Variants in PLEKHH2 observed in about 807,000 individuals in gnomAD.
PLEKHH2 encodes pleckstrin homology domain-containing family H member 2.
A neutral mutation model predicts 187.9 loss-of-function variants in PLEKHH2; 129 were observed. That is an observed-to-expected ratio of 0.69 (90% CI 0.59 to 0.79). The LOEUF is 0.79. Ranked by LOEUF, PLEKHH2 falls within the 30% of genes least tolerant of loss-of-function variation. The pLI, the probability that PLEKHH2 is intolerant of heterozygous loss-of-function variation, is 0.00. For missense variants in PLEKHH2, 2,076 were observed against 1,751.2 expected (o/e 1.19, Z -3.31); for synonymous variants, 686 against 605.6 (o/e 1.13, Z -1.95).
chr2:43,705,251 C>CTTTTTTTTTTTT (rs5830767), intron 9 of PLEKHH2, among the ~76,000 whole-genome samples: 8 of 95,868 alleles, frequency 8.3e-5, no homozygotes, highest in Admixed American at 1.3e-4. Flanking sequence ...AAATTTTATC[C>CTTTTTTTTTTTT]TTTTTTTTTT....
intron 3 of PLEKHH2, chr2:43,681,149 C>CT (rs1668156669): frequency 1.4e-6 from 1 of 734,464 alleles, no homozygotes; most frequent in Non-Finnish European, 2.4e-6. Context: ...CTGCAACACT[C>CT]TAATGCCACT....
rs956489454 is a variant in PLEKHH2, at chr2:43,761,305, C to G, written c.4072-999C>G. ...AACCAAACAAGCATCATTAATTGCT[C>G]AAAAACATTCATGGGTTTCAGTTGG... is the stretch of plus-strand genomic sequence containing the variant. On this transcript the variant is annotated intron_variant, in intron 27 of 29. Transcript: ENST00000282406. 2.0e-5 allele frequency among the ~76,000 whole-genome samples: 3 copies of G among 151,234 alleles called. No homozygotes were observed. The East Asian group carries it at 5.8e-4, about 29-fold the overall frequency.
intron 8 of PLEKHH2, among the ~76,000 whole-genome samples, chr2:43,702,013 C>G (rs1444553606): frequency 6.6e-6 from 1 of 152,162 alleles, no homozygotes. Context: ...AGGTGATCCA[C>G]CCACCTCAGC....
chr2:43,680,481 A>G (rs1668113771), intron 3 of PLEKHH2: 1 of 158,968 alleles, frequency 6.3e-6, no homozygotes, highest in African/African-American at 2.4e-5. Flanking sequence ...TGCATATGAA[A>G]TTCCTTATGC....
chr2:43,651,669 A>AAAAGGGC (rs1666480379), intron 2 of PLEKHH2, among the ~76,000 whole-genome samples: 1 of 152,134 alleles, frequency 6.6e-6, no homozygotes, highest in Non-Finnish European at 1.5e-5. Context: ...TGGTTCAACT[A>AAAAGGGC]AAAGGGCATT....
At chr2:43,642,714 G>A (rs1206903073) in intron 1 of PLEKHH2, among the ~76,000 whole-genome samples, 1 of 152,258 alleles carries the variant, frequency 6.6e-6, no homozygotes, top group Middle Eastern at 3.4e-3. Flanking sequence ...CTATTGAAAT[G>A]ATCATACGGT....
chr2:43,678,728 AGAGGTGGAAGTGGAGGTGGAGGTG>A, intron 2 of PLEKHH2, 111 bp from the exon 3 acceptor site: 1 of 403,728 alleles, frequency 2.5e-6, no homozygotes. Context: ...GACCGTGGGT[AGAGGTGGAAGTGGAGGTGGAGGTG>A]GAGGTGGAGG....
chr2:43,677,845 C>G (rs1667910622), intron 2 of PLEKHH2, among the ~76,000 whole-genome samples: 2 of 147,664 alleles, frequency 1.4e-5, no homozygotes, highest in Admixed American at 1.3e-4. Context: ...CCCCCCACCT[C>G]CCTCCCGGAC....
chr2:43,735,181 C>T (rs1671227932), intron 19 of PLEKHH2, among the ~76,000 whole-genome samples: 2 of 151,846 alleles, frequency 1.3e-5, no homozygotes, highest in Admixed American at 6.6e-5. Context: ...CAGAGCAAGA[C>T]TCTGTCTCAA....
chr2:43,688,005 T>A (rs1668610873), intron 3 of PLEKHH2, among the ~76,000 whole-genome samples: 1 of 152,174 alleles, frequency 6.6e-6, no homozygotes, highest in East Asian at 1.9e-4. Context: ...CCCACTCTTT[T>A]GCCCAGGCTG....
intron 24 of PLEKHH2, 51 bp downstream of exon 24, chr2:43,746,014 A>C: frequency 8.5e-7 from 1 of 1,176,712 alleles, no homozygotes; most frequent in Non-Finnish European, 1.2e-6. Context: ...AATATGTTCT[A>C]ATAATGCACC....
chr2:43,756,124 A>C lies in PLEKHH2; in HGVS notation c.3796-995A>C, dbSNP rs1206426806. 2.6e-5 allele frequency among the ~76,000 whole-genome samples: 4 copies of C among 152,190 alleles called. No homozygotes were observed. In the East Asian group the frequency reaches 7.7e-4, roughly 29 times the overall value. On this transcript the variant is annotated intron_variant, in intron 25 of 29. Transcript: ENST00000282406. ...AAGTATAAATTGTGGTTCCGAACAC[A>C]ACTGTATATCCTGGGAAGGACTCTA...
intron 2 of PLEKHH2, among the ~76,000 whole-genome samples, chr2:43,654,361 A>T (rs1666635914): frequency 6.6e-6 from 1 of 151,506 alleles, no homozygotes; most frequent in Admixed American, 6.6e-5. Flanking sequence ...CATCCAGCTA[A>T]TTTTTTTGTA....
At chr2:43,691,745 A>G (rs1668807158) in intron 3 of PLEKHH2, among the ~76,000 whole-genome samples, 1 of 151,958 alleles carries the variant, frequency 6.6e-6, no homozygotes, top group Non-Finnish European at 1.5e-5. Flanking sequence ...AATTTCTTGA[A>G]CTCCTGGACT....
intron 7 of PLEKHH2, among the ~76,000 whole-genome samples, chr2:43,697,966 A>G (rs1669169468): frequency 6.6e-6 from 1 of 152,154 alleles, no homozygotes; most frequent in Non-Finnish European, 1.5e-5. Flanking sequence ...TATCAAAAAA[A>G]AAGAAAAAAT....
chr2:43,744,116 C>G, intron 23 of PLEKHH2, 127 bp downstream of exon 23: 1 of 1,416,170 alleles, frequency 7.1e-7, no homozygotes, highest in Non-Finnish European at 9.2e-7. Context: ...ATCTAATCTC[C>G]ACGATAAGAA....
chr2:43,685,460 C>G (rs1304143723), intron 3 of PLEKHH2, among the ~76,000 whole-genome samples: 1 of 152,122 alleles, frequency 6.6e-6, no homozygotes, highest in East Asian at 1.9e-4. Context: ...CAGGGTCTTG[C>G]TCTGTCATCC....
chr2:43,738,640 G>A (rs12465786), intron 20 of PLEKHH2, 120 bp downstream of exon 20: 27,097 of 941,852 alleles, frequency 0.029, 1,193 homozygotes, highest in African/African-American at 0.18. Flanking sequence ...AGGAAAAATA[G>A]GTATTAATAT....
intron 17 of PLEKHH2, 113 bp downstream of exon 17, chr2:43,726,564 A>C: frequency 1.1e-6 from 1 of 929,888 alleles, no homozygotes; most frequent in Non-Finnish European, 1.6e-6. Context: ...TTTGCTATAG[A>C]CTTTCACCTC....
Sources: gnomAD v4.1 joint callset for allele counts (sites outside exome capture counted in the v4.1 genomes callset) on GRCh38, gnomAD v4.1.1 for gene constraint, MANE v1.5 for transcripts, NCBI Gene and HGNC (gene_info 2026-07-23, HGNC 2026-07-21) for gene names.